NF1: variants seen among roughly 807,000 people sequenced by gnomAD.
The protein encoded by NF1 is neurofibromin.
NF1 carries 122 observed loss-of-function variants against 325.7 expected under a neutral mutation model. The ratio of observed to expected loss-of-function variants is 0.37; its 90% confidence interval spans 0.32 to 0.44. NF1 has a LOEUF of 0.44. Among genes scored for constraint, NF1 ranks in the 20% least tolerant of loss-of-function variants. The pLI is 1.00. For synonymous variants in NF1, 1,091 were observed against 1,186.0 expected (o/e 0.92, Z 1.65); for missense variants, 2,140 against 3,415.4 (o/e 0.63, Z 9.31).
intron 1 of NF1, chr17:31,133,327 CT>C (rs1285846388): frequency 1.3e-5 from 2 of 152,196 alleles, no homozygotes; most frequent in Non-Finnish European, 2.9e-5. Context: ...AATTTCCTAC[CT>C]TTTAAAGGCT....
chr17:31,352,106 A>T, intron 50 of NF1, 151 bp from the exon 51 acceptor site: 1 of 699,990 alleles, frequency 1.4e-6, no homozygotes, highest in South Asian at 1.8e-5. Flanking sequence ...GGGATACACC[A>T]AGAGTTTGTA....
intron 1 of NF1, among the ~76,000 whole-genome samples, chr17:31,139,368 T>C (rs1333876362): frequency 8.5e-6 from 1 of 118,166 alleles, no homozygotes; most frequent in Non-Finnish European, 1.7e-5. Flanking sequence ...CTTAAATGTT[T>C]TACACAGACA....
chr17:31,152,030 C>A (rs1173643884), intron 1 of NF1, among the ~76,000 whole-genome samples: 1 of 152,114 alleles, frequency 6.6e-6, no homozygotes, highest in Non-Finnish European at 1.5e-5. Flanking sequence ...TATTCCTCCC[C>A]CCTCCCCCTA....
chr17:31,261,815 G>A lies in NF1; in HGVS notation c.4682G>A (p.Ser1561Asn), dbSNP rs751414513. 4 of 1,612,986 alleles carry A rather than the reference G, an allele frequency of 2.5e-6. No individual in the cohort carries two copies. The highest frequency in any genetic ancestry group is 1.3e-5 in the African/African-American group (1 of 74,998). Reference sequence around the variant, plus strand: ...CCTGTGGCAGATACACACTGGTCCAGCCTTAACCTTACCAGTTCAAAGTTT... The same window carrying A: ...CCTGTGGCAGATACACACTGGTCCAACCTTAACCTTACCAGTTCAAAGTTT... ...HKPVADTHWS[S>N]LNLTSSKFEE... Residue 1561 changes from serine to asparagine, a missense_variant, in exon 35 of 58, where the codon AGC (serine) becomes AAC (asparagine). By Grantham distance (46) the Ser-to-Asn change is conservative (BLOSUM62 1). Around this residue, in one of 10 missense-constraint regions of NF1, gnomAD observed 103 missense variants for 214.6 expected, o/e 0.48. Coordinates refer to ENST00000358273, the MANE Select transcript of NF1 (RefSeq NM_001042492.3).
chr17:31,354,822 A>G (rs1353067645), intron 51 of NF1, among the ~76,000 whole-genome samples: 1 of 149,142 alleles, frequency 6.7e-6, no homozygotes, highest in East Asian at 1.9e-4. Flanking sequence ...ACCCTGTCTC[A>G]AAAAAAACAA....
intron 57 of NF1, chr17:31,362,401 G>C: frequency 1.0e-6 from 1 of 958,522 alleles, no homozygotes; most frequent in Non-Finnish European, 1.2e-6. Context: ...TGTGTACATT[G>C]GGGAGACTGA....
intron 36 of NF1, among the ~76,000 whole-genome samples, chr17:31,291,005 G>GAAATAAATAAAT (rs35278712): frequency 5.4e-4 from 80 of 149,228 alleles, no homozygotes; most frequent in African/African-American, 1.8e-3. Flanking sequence ...GACTCTGTAT[G>GAAATAAATAAAT]AAATAAATAA....
intron 14 of NF1, among the ~76,000 whole-genome samples, chr17:31,219,639 C>G (rs541730548): frequency 1.5e-5 from 2 of 136,742 alleles, no homozygotes; most frequent in African/African-American, 2.7e-5. Flanking sequence ...CCCCCTCCCC[C>G]CTAAGTAGTT....
At chr17:31,157,452 C>A (rs2065684043) in intron 2 of NF1, among the ~76,000 whole-genome samples, 1 of 151,852 alleles carries the variant, frequency 6.6e-6, no homozygotes, top group Non-Finnish European at 1.5e-5. Context: ...TACCTTTTTG[C>A]CTTATTCCCA....
chr17:31,213,304 A>G (rs900200358), intron 12 of NF1, among the ~76,000 whole-genome samples: 4 of 152,230 alleles, frequency 2.6e-5, no homozygotes, highest in African/African-American at 9.6e-5. Flanking sequence ...TCTCTTCTGT[A>G]GTGACATTCT....
chr17:31,307,768 C>T (rs2068763015), intron 36 of NF1: 1 of 593,902 alleles, frequency 1.7e-6, no homozygotes, highest in African/African-American at 1.9e-5. Context: ...AATAGAAAAT[C>T]TTAGGGTGTT....
chr17:31,197,994 G>GT (rs914970584), intron 8 of NF1, among the ~76,000 whole-genome samples: 40 of 152,074 alleles, frequency 2.6e-4, no homozygotes, highest in African/African-American at 8.2e-4. Flanking sequence ...TAGCTTGAGT[G>GT]TTTTTTTATC....
intron 1 of NF1, chr17:31,133,283 C>G (rs540151752): frequency 6.6e-6 from 1 of 152,302 alleles, no homozygotes; most frequent in South Asian, 2.1e-4. Context: ...AGTGTAATGT[C>G]TTCAAGGTTA....
At chr17:31,296,251 A>G in intron 36 of NF1, 3 of 1,614,124 alleles carry the variant, frequency 1.9e-6, no homozygotes, top group Non-Finnish European at 2.5e-6. Context: ...TACATTGGAG[A>G]GGACAAATGC....
chr17:31,166,232 T>A (rs955888586), intron 4 of NF1, among the ~76,000 whole-genome samples: 2 of 152,238 alleles, frequency 1.3e-5, no homozygotes, highest in Non-Finnish European at 2.9e-5. Context: ...TTTGGTTCCA[T>A]ACAAATCTGT....
chr17:31,095,433 G>T, intron 1 of NF1, 64 bp downstream of exon 1: 1 of 1,458,356 alleles, frequency 6.9e-7, no homozygotes, highest in Non-Finnish European at 9.2e-7. Context: ...GTAGGTGAGG[G>T]GAGGTAGGAG....
intron 36 of NF1, chr17:31,273,451 A>G (rs1489188473): frequency 1.3e-5 from 2 of 152,252 alleles, no homozygotes; most frequent in African/African-American, 4.8e-5. Context: ...ATATCTAAAA[A>G]TGACCCAAGC....
intron 1 of NF1, among the ~76,000 whole-genome samples, chr17:31,154,732 C>CTTTTTTTTTTTT (rs71142026): frequency 7.7e-5 from 8 of 103,394 alleles, no homozygotes; most frequent in Non-Finnish European, 7.6e-5. Flanking sequence ...TTAGTATTTC[C>CTTTTTTTTTTTT]TTTTTTTTTT....
At chr17:31,208,440 T>C (rs1177257411) in intron 12 of NF1, among the ~76,000 whole-genome samples, 1 of 152,022 alleles carries the variant, frequency 6.6e-6, no homozygotes, top group Non-Finnish European at 1.5e-5. Flanking sequence ...CTTGGTGAGT[T>C]AACAGTCAGA....
Sources: allele counts gnomAD v4.1 joint callset (sites outside exome capture counted in the v4.1 genomes callset), GRCh38; gene constraint gnomAD v4.1.1; regional missense constraint gnomAD v4.1.1; transcripts MANE v1.5; gene names NCBI Gene and HGNC (gene_info 2026-07-23, HGNC 2026-07-21).